Variants in ATXN7L1 observed in about 807,000 individuals in gnomAD.
The protein encoded by ATXN7L1 is ataxin-7-like protein 1.
ATXN7L1 carries 15 observed loss-of-function variants against 70.8 expected under a neutral mutation model. The observed-to-expected ratio is 0.21, with a 90% CI of 0.14 to 0.33. ATXN7L1 has a LOEUF of 0.33. Among genes scored for constraint, ATXN7L1 ranks in the 10% least tolerant of loss-of-function variants. The pLI, the probability that ATXN7L1 is intolerant of heterozygous loss-of-function variation, is 1.00. For missense variants in ATXN7L1, 975 were observed against 1,097.1 expected, an observed-to-expected ratio of 0.89 and a Z score of 1.57; for synonymous variants, 440 against 445.1, an observed-to-expected ratio of 0.99 and a Z score of 0.14.
intron 2 of ATXN7L1, among the ~76,000 whole-genome samples, chr7:105,834,578 T>G (rs1013260920): frequency 9.2e-5 from 14 of 152,140 alleles, no homozygotes; most frequent in Admixed American, 7.2e-4. Context: ...TCATAACATT[T>G]TAGGATCCTG....
intron 3 of ATXN7L1, among the ~76,000 whole-genome samples, chr7:105,680,812 G>A (rs1330308373): frequency 6.6e-5 from 10 of 152,318 alleles, no homozygotes. Flanking sequence ...AGAAAAACGT[G>A]AGTTGCTTTC....
intron 3 of ATXN7L1, among the ~76,000 whole-genome samples, chr7:105,716,011 G>A (rs917813088): frequency 4.6e-5 from 7 of 152,242 alleles, no homozygotes; most frequent in Middle Eastern, 6.8e-3. Context: ...GTGGAGGCGG[G>A]GGGGATGGGA....
intron 3 of ATXN7L1, among the ~76,000 whole-genome samples, chr7:105,770,629 G>A (rs1322299532): frequency 6.6e-6 from 1 of 152,112 alleles, no homozygotes; most frequent in African/African-American, 2.4e-5. Context: ...ACTTCACAGA[G>A]CACTGAATGA....
Position 105,676,457 on chromosome 7 carries a change from G to A in ATXN7L1, c.356-11169C>T, listed in dbSNP as rs187837235. On this transcript the variant is annotated intron_variant, in intron 3 of 11. Transcript: ENST00000419735. ...CCAGAGCACTGATGGGACAGGTATG[G>A]CAGACAGCTGGACCTGGGCACGGGG... Among the ~76,000 whole-genome samples the A allele has an allele frequency of 2.8e-3, 423 of 152,332 alleles. 2 individuals carry two copies. Among genetic ancestry groups the A allele is most frequent in the African/African-American group, 9.7e-3 (404 of 41,562 alleles).
chr7:105,625,906 T>G (rs904572057), intron 7 of ATXN7L1, among the ~76,000 whole-genome samples: 1 of 152,210 alleles, frequency 6.6e-6, no homozygotes, highest in Non-Finnish European at 1.5e-5. Context: ...GTGACAAAGA[T>G]AGGGAGAAAA....
intron 3 of ATXN7L1, among the ~76,000 whole-genome samples, chr7:105,750,283 CTTT>C (rs200153235): frequency 6.8e-6 from 1 of 146,036 alleles, no homozygotes; most frequent in East Asian, 2.0e-4. Context: ...TATAATTGCT[CTTT>C]TTTTTTTTTG....
intron 9 of ATXN7L1, among the ~76,000 whole-genome samples, chr7:105,619,538 T>A (rs1213504388): frequency 0.064 from 358 of 5,564 alleles, 1 homozygote; most frequent in South Asian, 0.13. Context: ...ATATTTTTTT[T>A]TTTTTTTTTT....
intron 2 of ATXN7L1, among the ~76,000 whole-genome samples, chr7:105,870,470 GATA>G (rs1003132281): frequency 3.1e-4 from 47 of 152,172 alleles, no homozygotes; most frequent in African/African-American, 1.1e-3. Flanking sequence ...CATTAATAAT[GATA>G]ATAATAGTAA....
chr7:105,657,702 C>CAAAAAAAAAAAAAA lies in ATXN7L1; in HGVS notation c.578+7350_578+7363dup, dbSNP rs71155465. ...TGGGTGACAGAGTGAGACCCTGTCT[C>CAAAAAAAAAAAAAA]AAAAAAAAAAAAAAAAAAAAAAAAA... On this transcript the variant is annotated intron_variant, in intron 4 of 11. Transcript: ENST00000419735. Among the ~76,000 whole-genome samples the CAAAAAAAAAAAAAA allele has an allele frequency of 6.5e-4, 17 of 26,102 alleles. 1 individual carries two copies. The highest frequency in any genetic ancestry group is 7.1e-4 in the Non-Finnish European group (11 of 15,522). The allele number at this position is 26,102 out of a possible 152,430, so 17.1% of individuals were successfully genotyped here. A position where few individuals can be genotyped will look rare whatever the true frequency, so the allele number is the denominator to read the frequency against.
chr7:105,695,863 T>G (rs1189640695), intron 3 of ATXN7L1, among the ~76,000 whole-genome samples: 1 of 152,224 alleles, frequency 6.6e-6, no homozygotes, highest in East Asian at 1.9e-4. Flanking sequence ...GCAGGTTCAC[T>G]GCAGGCGTTG....
chr7:105,619,905 C>G (rs958987174), intron 9 of ATXN7L1, among the ~76,000 whole-genome samples: 6 of 143,330 alleles, frequency 4.2e-5, no homozygotes, highest in Non-Finnish European at 1.5e-5. Flanking sequence ...AATAAAAAGG[C>G]CCTTTAACTT....
intron 2 of ATXN7L1, among the ~76,000 whole-genome samples, chr7:105,872,684 T>A (rs1677789270): frequency 6.6e-6 from 1 of 152,110 alleles, no homozygotes; most frequent in Non-Finnish European, 1.5e-5. Flanking sequence ...GGGGAGTGAT[T>A]GCATAATGGG....
At chr7:105,719,362 G>A (rs910569411) in intron 3 of ATXN7L1, among the ~76,000 whole-genome samples, 2 of 152,148 alleles carry the variant, frequency 1.3e-5, no homozygotes, top group African/African-American at 4.8e-5. Context: ...TCCTCTCAAG[G>A]GGATGTGGGT....
intron 3 of ATXN7L1, among the ~76,000 whole-genome samples, chr7:105,766,427 G>C (rs77648027): frequency 6.6e-6 from 1 of 152,028 alleles, no homozygotes. Flanking sequence ...GGTTTGTGCC[G>C]AGACATTGAT....
intron 3 of ATXN7L1, among the ~76,000 whole-genome samples, chr7:105,752,852 C>T (rs984047494): frequency 3.3e-5 from 5 of 152,180 alleles, no homozygotes; most frequent in African/African-American, 1.2e-4. Flanking sequence ...GAACAAAGCC[C>T]TCCCTTGTTT....
At chr7:105,779,632 T>C (rs1803252301) in intron 3 of ATXN7L1, among the ~76,000 whole-genome samples, 1 of 152,144 alleles carries the variant, frequency 6.6e-6, no homozygotes, top group Admixed American at 6.5e-5. Context: ...CTAGGGATGG[T>C]GGAAAAATGA....
chr7:105,815,888 T>A lies in ATXN7L1; in HGVS notation c.251-27180A>T, dbSNP rs547882847. Among the ~76,000 whole-genome samples, 3 of 152,316 alleles carry A rather than the reference T, an allele frequency of 2.0e-5. No individual in the cohort carries two copies. In the East Asian group the frequency reaches 5.8e-4, roughly 29 times the overall value. Reference sequence around the variant, plus strand: ...GTGAGCGTTTGGCAGATGCCACTGGTAGGCATTTAGGAGAATGTGCAATGG... The same window carrying A: ...GTGAGCGTTTGGCAGATGCCACTGGAAGGCATTTAGGAGAATGTGCAATGG... On this transcript the variant is annotated intron_variant, in intron 2 of 11. Transcript: ENST00000419735.
At position 105,834,106 on chromosome 7, in the gene ATXN7L1, G is replaced by A. The variant is rs537104143; in HGVS notation, c.250+41706C>T. 3.9e-5 allele frequency among the ~76,000 whole-genome samples: 6 copies of A among 152,296 alleles called. No individual in the cohort carries two copies. In the South Asian group the frequency reaches 1.2e-3, roughly 32 times the overall value. On this transcript the variant is annotated intron_variant, in intron 2 of 11. Coordinates refer to ENST00000419735, the MANE Select transcript of ATXN7L1 (RefSeq NM_020725.2). ...TGCCCAGGCTGGAGTGCAGTGGTAT[G>A]ATCTCAGCTCACCGCAAACTCTGCC...
At position 105,819,662 on chromosome 7, in the gene ATXN7L1, C is replaced by A; in HGVS notation, c.251-30954G>T. On this transcript the variant is annotated intron_variant, in intron 2 of 11. Coordinates refer to ENST00000419735, the MANE Select transcript of ATXN7L1 (RefSeq NM_020725.2). ...GATACAAGTTGAAGTACCTGGTCTTCCTCCGCAAGCAGATGAACACCAACC... is the reference window on the plus strand; with the variant it reads ...GATACAAGTTGAAGTACCTGGTCTTACTCCGCAAGCAGATGAACACCAACC... 4 of 938,872 alleles carry A rather than the reference C, an allele frequency of 4.3e-6. No individual in the cohort carries two copies. In the East Asian group the frequency reaches 8.0e-5, roughly 19 times the overall value. 58.2% of individuals were successfully genotyped at this position (938,872 alleles called of 1,614,324 possible).
Sources: gnomAD v4.1 joint callset for allele counts (sites outside exome capture counted in the v4.1 genomes callset) on GRCh38, gnomAD v4.1.1 for gene constraint, MANE v1.5 for transcripts, NCBI Gene and HGNC (gene_info 2026-07-23, HGNC 2026-07-21) for gene names.